Variants in IFI16 observed in about 807,000 individuals in gnomAD.
The protein encoded by IFI16 is interferon gamma inducible protein 16.
A neutral mutation model predicts 68.4 loss-of-function variants in IFI16; 49 were observed. The observed-to-expected ratio is 0.72, with a 90% CI of 0.57 to 0.91. The LOEUF is 0.91. Ranked by LOEUF, IFI16 falls within the 40% of genes least tolerant of loss-of-function variation. IFI16 has a pLI of 0.00. For missense variants in IFI16, 878 were observed against 942.9 expected (o/e 0.93, Z 0.90); for synonymous variants, 307 against 315.0 (o/e 0.97, Z 0.27).
upstream of IFI16, among the ~76,000 whole-genome samples, chr1:159,008,289 C>T (rs1652337852): frequency 6.6e-6 from 1 of 151,870 alleles, no homozygotes; most frequent in Non-Finnish European, 1.5e-5. Flanking sequence ...ACATTTTTTG[C>T]TTTATCAGGA....
chr1:159,000,335 G>C (rs781293503), exon 1 of IFI16: 9 of 227,644 alleles, frequency 4.0e-5, no homozygotes, highest in Non-Finnish European at 7.5e-5. Context: ...CAGCTTATAA[G>C]GGATCCAAAC....
Position 159,051,942 on chromosome 1 carries a change from G to A in IFI16, c.1929G>A (p.Glu643=). Residue 643 remains glutamate, a synonymous_variant, in exon 10 of 12, where the codon GAG becomes GAA. Coordinates refer to ENST00000295809, the MANE Select transcript of IFI16 (RefSeq NM_001376587.1). The part of the protein sequence containing the change: ...ANYVCRNGFL[E]VYPFTLVADV... ...ATGTTTGCCGCAATGGGTTCCTGGA[G>A]GTATATCCTTTCACACTTGTGGCTG... 2 of 1,613,986 alleles carry A rather than the reference G, an allele frequency of 1.2e-6. No individual in the cohort carries two copies. The highest frequency in any genetic ancestry group is 1.7e-5 in the Admixed American group (1 of 60,008).
At chr1:159,028,066 G>C (rs543740443) in intron 6 of IFI16, among the ~76,000 whole-genome samples, 1 of 150,560 alleles carries the variant, frequency 6.6e-6, no homozygotes, top group African/African-American at 2.4e-5. Context: ...TTCGTGTTTG[G>C]TTTGTTCTTG....
intron 7 of IFI16, among the ~76,000 whole-genome samples, chr1:159,033,790 A>G (rs1654153349): frequency 6.6e-6 from 1 of 152,220 alleles, no homozygotes; most frequent in Non-Finnish European, 1.5e-5. Context: ...AAACCTTCTG[A>G]TAACAAATGT....
At chr1:159,003,893 C>G (rs911154214), upstream of IFI16, among the ~76,000 whole-genome samples, 4 of 152,100 alleles carry the variant, frequency 2.6e-5, no homozygotes, top group Admixed American at 1.3e-4. Flanking sequence ...ATCTCCTGAC[C>G]TTGTGATCCG....
At chr1:159,015,462 G>C (rs1652861210) in intron 2 of IFI16, among the ~76,000 whole-genome samples, 1 of 152,190 alleles carries the variant, frequency 6.6e-6, no homozygotes, top group Non-Finnish European at 1.5e-5. Flanking sequence ...CCTTCCTCAT[G>C]GAAACCTTTG....
At chr1:159,007,573 T>C (rs111573444), upstream of IFI16, among the ~76,000 whole-genome samples, 2,167 of 152,256 alleles carry the variant, frequency 0.014, 51 homozygotes, top group African/African-American at 0.05. Flanking sequence ...GATTATGTTA[T>C]CTAAATTCAT....
chr1:159,036,233 A>G (rs1264445835), intron 7 of IFI16, among the ~76,000 whole-genome samples: 1 of 152,220 alleles, frequency 6.6e-6, no homozygotes, highest in Non-Finnish European at 1.5e-5. Flanking sequence ...CATAACAGTC[A>G]TGATTGATGC....
In IFI16 at chr1:159,049,587, T is replaced by G; in HGVS notation, c.1653T>G (p.Ser551Arg). 1.2e-6 allele frequency: 2 copies of G among 1,606,916 alleles called. No individual in the cohort carries two copies. The highest frequency in any genetic ancestry group is 2.2e-5 in the South Asian group (2 of 89,864). The change falls in exon 9 of 12, where the codon AGT (serine) becomes AGG (arginine). Residue 551 changes from serine to arginine, a missense_variant. Ser to Arg is a moderately radical substitution (Grantham distance 110). This residue lies in a region of IFI16 where 311 missense variants were observed against 305.1 expected (regional missense o/e 1.02). Transcript: ENST00000295809. ...TGCCTCCATCAACACCAAGCAGCAG[T>G]TTCTTAACCACGGTACAAGTTCCCT... ...PQMPPSTPSS[S>R]FLTTLKPRLK...
Position 159,053,524 on chromosome 1 carries a change from C to A in IFI16, c.2086-9C>A, listed in dbSNP as rs1167659025. ...GTTTCAGAAGATAAGTGTTAATTTT[C>A]TTTTGCAGAAAAATGTAAGGGGTGA... On this transcript the variant is annotated splice_polypyrimidine_tract_variant and intron_variant, in intron 10 of 11. Coordinates refer to ENST00000295809, the MANE Select transcript of IFI16 (RefSeq NM_001376587.1). The A allele has an allele frequency of 2.6e-6, 4 of 1,564,394 alleles. No homozygotes were observed. The highest frequency in any genetic ancestry group is 3.5e-6 in the Non-Finnish European group (4 of 1,139,704).
At chr1:159,007,135 A>C (rs1424723182), upstream of IFI16, among the ~76,000 whole-genome samples, 2 of 152,230 alleles carry the variant, frequency 1.3e-5, no homozygotes, top group African/African-American at 4.8e-5. Context: ...TCAATGGACA[A>C]AACATCAAAG....
intron 3 of IFI16, 131 bp downstream of exon 3, chr1:159,016,118 A>T: frequency 1.6e-6 from 1 of 639,282 alleles, no homozygotes; most frequent in South Asian, 1.9e-5. Flanking sequence ...ACCAAATTGT[A>T]TGATAATTGA....
rs1653277099 is a variant in IFI16 at position 159,020,981 on chromosome 1, GACA to G, written c.1161+454_1161+456del. On this transcript the variant is annotated intron_variant, in intron 6 of 11. Coordinates refer to ENST00000295809, the MANE Select transcript of IFI16 (RefSeq NM_001376587.1). ...GCAGTGATCAAAATTATGTCCCACT[GACA>G]AAGTTTTATACAGAGGAAGCTCTCC... 1.3e-5 allele frequency among the ~76,000 whole-genome samples: 2 copies of G among 152,102 alleles called. 1 individual carries two copies. Among genetic ancestry groups the G allele is most frequent in the South Asian group, 4.1e-4 (2 of 4,828 alleles).
intron 8 of IFI16, 104 bp from the exon 9 acceptor site, chr1:159,049,328 A>G (rs1451237585): frequency 9.6e-6 from 6 of 623,336 alleles, no homozygotes; most frequent in African/African-American, 4.0e-5. Context: ...AGAAACTGGC[A>G]AAGTGAACAT....
At chr1:159,007,710 T>G (rs1167068861), upstream of IFI16, among the ~76,000 whole-genome samples, 1 of 152,036 alleles carries the variant, frequency 6.6e-6, no homozygotes, top group East Asian at 1.9e-4. Context: ...GAGAGTGCTC[T>G]CTCTCTCTCT....
chr1:159,024,514 C>CT (rs1653530185), intron 6 of IFI16, among the ~76,000 whole-genome samples: 1 of 152,136 alleles, frequency 6.6e-6, no homozygotes, highest in African/African-American at 2.4e-5. Flanking sequence ...TTGTGGAAGT[C>CT]TAACTTTGCT....
chr1:159,036,551 C>T lies in IFI16; in HGVS notation c.1329+3860C>T, dbSNP rs960409228. On this transcript the variant is annotated intron_variant, in intron 7 of 11. Coordinates refer to ENST00000295809, the MANE Select transcript of IFI16 (RefSeq NM_001376587.1). ...TTGAGCATTTAATGATCATATACTG[C>T]TTCCAAAGTCAGAATATAGATGTTG... 1.3e-5 allele frequency among the ~76,000 whole-genome samples: 2 copies of T among 152,184 alleles called. 1 individual carries two copies. Among genetic ancestry groups the T allele is most frequent in the African/African-American group, 4.8e-5 (2 of 41,444 alleles).
At chr1:159,007,384 G>T (rs561812806), upstream of IFI16, among the ~76,000 whole-genome samples, 1 of 152,256 alleles carries the variant, frequency 6.6e-6, no homozygotes, top group South Asian at 2.1e-4. Context: ...AGCTTAAAAG[G>T]ACATGGATGT....
chr1:159,052,156 T>G (rs1655406424), intron 10 of IFI16, 58 bp downstream of exon 10: 2 of 1,411,772 alleles, frequency 1.4e-6, no homozygotes, highest in South Asian at 1.3e-5. Context: ...TTTTAAAGTC[T>G]TAACTTGTCA....
Sources: allele counts gnomAD v4.1 joint callset (sites outside exome capture counted in the v4.1 genomes callset), GRCh38; gene constraint gnomAD v4.1.1; regional missense constraint gnomAD v4.1.1; transcripts MANE v1.5; gene names NCBI Gene and HGNC (gene_info 2026-07-23, HGNC 2026-07-21).